The following SUMF1 variants were observed in gnomAD, a reference collection of about 807,000 sequenced individuals.
SUMF1 encodes formylglycine-generating enzyme.
SUMF1 carries 48 observed loss-of-function variants against 47.6 expected under a neutral mutation model. The observed-to-expected ratio is 1.01, with a 90% CI of 0.80 to 1.28. The LOEUF is 1.28. Ranked by LOEUF, SUMF1 falls within the 50% of genes most tolerant of loss-of-function variation. The pLI is 0.00. For missense variants in SUMF1, 571 were observed against 485.4 expected (o/e 1.18, Z -1.66); for synonymous variants, 230 against 192.1 (o/e 1.20, Z -1.63).
chr3:4,200,838 A>G (rs1456897272), intron 8 of SUMF1, among the ~76,000 whole-genome samples: 2 of 152,154 alleles, frequency 1.3e-5, no homozygotes, highest in African/African-American at 4.8e-5. Flanking sequence ...CAACTTTGTC[A>G]AAAATCAAGT....
At chr3:4,163,677 G>C (rs973986935) in intron 8 of SUMF1, among the ~76,000 whole-genome samples, 7 of 151,692 alleles carry the variant, frequency 4.6e-5, no homozygotes, top group South Asian at 4.2e-4. Context: ...TCAAGGTCTA[G>C]AGTGAGTGGG....
At chr3:4,267,449 C>G (rs1438650239) in intron 8 of SUMF1, among the ~76,000 whole-genome samples, 2 of 152,226 alleles carry the variant, frequency 1.3e-5, no homozygotes, top group Admixed American at 6.5e-5. Flanking sequence ...CTGGTTTAGT[C>G]TTGGGAGAGT....
chr3:4,336,084 C>T (rs1402400023), intron 8 of SUMF1, among the ~76,000 whole-genome samples: 1 of 151,646 alleles, frequency 6.6e-6, no homozygotes, highest in Non-Finnish European at 1.5e-5. Flanking sequence ...AAACGGAAGC[C>T]AAAAAGTGAC....
Position 4,362,245 on chromosome 3 carries a change from A to G in SUMF1, c.1024T>C (p.Tyr342His). The change falls in exon 9 of 9, where the codon TAC (tyrosine) becomes CAC (histidine). Residue 342 changes from tyrosine (Y) to histidine (H), a missense_variant. Transcript: ENST00000272902. ...CTCCGAGCAGCACAGCGATACCTGT[A>G]ACAATAAGACTGTGTAGAGAGAAAG... ...GSYMCHRSYC[Y>H]RYRCAARSQN... is the part of the protein sequence containing the mutation. 6.2e-7 allele frequency: 1 copy of G among 1,614,076 alleles called. No individual in the cohort carries two copies. The highest frequency in any genetic ancestry group is 8.5e-7 in the Non-Finnish European group (1 of 1,179,928).
intron 1 of SUMF1, among the ~76,000 whole-genome samples, chr3:4,458,961 G>T (rs1313022923): frequency 1.3e-5 from 2 of 152,150 alleles, no homozygotes; most frequent in East Asian, 1.9e-4. Context: ...CAAATGCCTT[G>T]ATGATCTCAC....
chr3:4,366,251 T>G (rs1242995426), intron 8 of SUMF1, among the ~76,000 whole-genome samples: 2 of 152,122 alleles, frequency 1.3e-5, no homozygotes, highest in East Asian at 3.9e-4. Context: ...TTCCTGAATC[T>G]GAATGTTGGC....
intron 9 of SUMF1, among the ~76,000 whole-genome samples, chr3:4,064,681 C>G (rs1369740497): frequency 6.6e-6 from 1 of 152,082 alleles, no homozygotes. Context: ...AGCCTGATAA[C>G]AGGAGAATGG....
intron 8 of SUMF1, among the ~76,000 whole-genome samples, chr3:4,310,199 G>A (rs1052370268): frequency 1.3e-5 from 2 of 152,140 alleles, no homozygotes; most frequent in African/African-American, 2.4e-5. Context: ...ATGACTACTC[G>A]AAGTTTAACC....
intron 1 of SUMF1, among the ~76,000 whole-genome samples, chr3:4,460,303 C>G (rs910674721): frequency 6.6e-6 from 1 of 152,090 alleles, no homozygotes; most frequent in Non-Finnish European, 1.5e-5. Context: ...ATATACTCTT[C>G]TATATGTTTT....
At chr3:4,268,454 T>C (rs1238745813) in intron 8 of SUMF1, among the ~76,000 whole-genome samples, 1 of 148,924 alleles carries the variant, frequency 6.7e-6, no homozygotes, top group Non-Finnish European at 1.5e-5. Context: ...AAAATAATAA[T>C]AAAACCCCGC....
At chr3:4,341,014 G>A (rs930972138) in intron 8 of SUMF1, among the ~76,000 whole-genome samples, 2 of 151,444 alleles carry the variant, frequency 1.3e-5, no homozygotes, top group Admixed American at 6.6e-5. Flanking sequence ...GGAGATATAC[G>A]TGCTGTAGCT....
intron 8 of SUMF1, among the ~76,000 whole-genome samples, chr3:4,131,628 G>T (rs927775375): frequency 1.3e-5 from 2 of 152,156 alleles, no homozygotes; most frequent in East Asian, 3.9e-4. Context: ...GTAGCTAATG[G>T]TTTGGCTGGA....
intron 5 of SUMF1, 130 bp from the exon 6 acceptor site, chr3:4,417,372 T>C: frequency 3.2e-6 from 2 of 622,178 alleles, no homozygotes; most frequent in Middle Eastern, 3.3e-4. Context: ...AATATATATA[T>C]AAATAAATAA....
chr3:4,367,720 A>C (rs1700026396), intron 8 of SUMF1, among the ~76,000 whole-genome samples: 1 of 152,224 alleles, frequency 6.6e-6, no homozygotes, highest in African/African-American at 2.4e-5. Context: ...AACCTGACAA[A>C]AACAAGCAAT....
intron 8 of SUMF1, among the ~76,000 whole-genome samples, chr3:4,262,431 C>A (rs1362017558): frequency 6.6e-6 from 1 of 152,042 alleles, no homozygotes; most frequent in Admixed American, 6.6e-5. Context: ...GTGGTCAAAG[C>A]AACAACAACA....
At chr3:4,190,950 T>C (rs760493908) in intron 8 of SUMF1, among the ~76,000 whole-genome samples, 3 of 152,116 alleles carry the variant, frequency 2.0e-5, no homozygotes, top group African/African-American at 7.2e-5. Flanking sequence ...GGAGTGTGCA[T>C]TCTAGTGAAG....
At chr3:4,384,742 T>C (rs1258582816) in intron 7 of SUMF1, among the ~76,000 whole-genome samples, 1 of 152,272 alleles carries the variant, frequency 6.6e-6, no homozygotes, top group East Asian at 1.9e-4. Flanking sequence ...CTGAAGGACA[T>C]TTCGGCTGTT....
At chr3:4,399,940 G>A (rs938639211) in intron 7 of SUMF1, among the ~76,000 whole-genome samples, 1 of 152,136 alleles carries the variant, frequency 6.6e-6, no homozygotes, top group Admixed American at 6.5e-5. Context: ...GTATGTTTTA[G>A]TAGGGATGGA....
At chr3:4,131,197 C>T (rs186708872) in intron 8 of SUMF1, among the ~76,000 whole-genome samples, 29 of 152,238 alleles carry the variant, frequency 1.9e-4, no homozygotes, top group Admixed American at 2.6e-4. Context: ...GTGTGTCATG[C>T]GCAGTAACTT....
Sources: gnomAD v4.1 joint callset for allele counts (sites outside exome capture counted in the v4.1 genomes callset) on GRCh38, gnomAD v4.1.1 for gene constraint, MANE v1.5 for transcripts, NCBI Gene and HGNC (gene_info 2026-07-23, HGNC 2026-07-21) for gene names.